The following BORCS5 variants were observed in gnomAD, a reference collection of about 807,000 sequenced individuals.
The protein encoded by BORCS5 is BLOC-1-related complex subunit 5.
Under a neutral mutation model 22.1 loss-of-function variants are expected in BORCS5, and 17 were observed. The ratio of observed to expected loss-of-function variants is 0.77; its 90% CI spans 0.53 to 1.15. The LOEUF (loss-of-function observed/expected upper bound fraction) is 1.15, where lower values mean the gene tolerates loss of function less well. BORCS5 is among the 50% of genes most tolerant of loss of function. The pLI, the probability that BORCS5 is intolerant of heterozygous loss-of-function variation, is 0.00. For missense variants in BORCS5, 247 were observed against 253.2 expected (o/e 0.98, Z 0.17); for synonymous variants, 117 against 99.8 (o/e 1.17, Z -1.03).
chr12:12,414,802 T>A (rs1157824787), intron 2 of BORCS5, among the ~76,000 whole-genome samples: 1 of 129,400 alleles, frequency 7.7e-6, no homozygotes, highest in African/African-American at 3.1e-5. Flanking sequence ...ACGGGGCGGT[T>A]GCCAGGCAGA....
chr12:12,439,017 C>A (rs193029647), intron 3 of BORCS5, among the ~76,000 whole-genome samples: 2 of 152,260 alleles, frequency 1.3e-5, no homozygotes, highest in East Asian at 3.9e-4. Flanking sequence ...ACAATACTAG[C>A]AATTAAATGG....
At position 12,465,858 on chromosome 12, in the gene BORCS5, C is replaced by A; in HGVS notation, c.*82C>A. On this transcript the variant is annotated 3_prime_UTR_variant, in exon 4 of 4. Coordinates refer to ENST00000314565, the MANE Select transcript of BORCS5 (RefSeq NM_058169.6). ...GTGGAGCTAAGGTCATATCATCTGACCAGGTCTGGAGGCTGGCGGGAGGCT... is the reference window on the plus strand; with the variant it reads ...GTGGAGCTAAGGTCATATCATCTGAACAGGTCTGGAGGCTGGCGGGAGGCT... 2 of 1,256,698 alleles carry A rather than the reference C, an allele frequency of 1.6e-6. No homozygotes were observed. The highest frequency in any genetic ancestry group is 2.2e-6 in the Non-Finnish European group (2 of 907,382). 77.8% of individuals were successfully genotyped at this position (1,256,698 alleles called of 1,614,324 possible).
At chr12:12,390,486 C>T (rs768228719) in intron 2 of BORCS5, among the ~76,000 whole-genome samples, 1 of 152,098 alleles carries the variant, frequency 6.6e-6, no homozygotes, top group Non-Finnish European at 1.5e-5. Flanking sequence ...ACTAGAAATA[C>T]AGAAAGTTAT....
chr12:12,415,487 C>T (rs368787943), intron 2 of BORCS5, among the ~76,000 whole-genome samples: 4 of 139,700 alleles, frequency 2.9e-5, no homozygotes, highest in East Asian at 2.2e-4. Context: ...TGCAGTGAGC[C>T]GAGATGGCAG....
chr12:12,439,363 C>A (rs1277307953), intron 3 of BORCS5, among the ~76,000 whole-genome samples: 3 of 152,156 alleles, frequency 2.0e-5, no homozygotes, highest in African/African-American at 7.2e-5. Context: ...CGACATGGCT[C>A]ATGCCTGTAA....
chr12:12,432,009 A>G (rs1350713408), intron 2 of BORCS5, among the ~76,000 whole-genome samples: 1 of 152,116 alleles, frequency 6.6e-6, no homozygotes, highest in African/African-American at 2.4e-5. Flanking sequence ...TGCAATTTCT[A>G]GGCACTCTTT....
At chr12:12,391,375 A>G (rs1941178801) in intron 2 of BORCS5, among the ~76,000 whole-genome samples, 1 of 137,100 alleles carries the variant, frequency 7.3e-6, no homozygotes, top group Non-Finnish European at 1.5e-5. Flanking sequence ...TGGATGACAG[A>G]ATCAAGGGTC....
At chr12:12,464,497 G>T (rs780351883) in intron 3 of BORCS5, among the ~76,000 whole-genome samples, 2 of 152,160 alleles carry the variant, frequency 1.3e-5, no homozygotes, top group Non-Finnish European at 2.9e-5. Flanking sequence ...GGGAAGGGGC[G>T]TGCTCCAGGA....
At chr12:12,386,651 A>G (rs1000307147) in intron 2 of BORCS5, among the ~76,000 whole-genome samples, 3 of 123,802 alleles carry the variant, frequency 2.4e-5, no homozygotes, top group Non-Finnish European at 5.2e-5. Flanking sequence ...TGTATTTTTC[A>G]TAGAGACAGG....
chr12:12,460,845 A>G (rs1293043004), intron 3 of BORCS5, among the ~76,000 whole-genome samples: 1 of 152,210 alleles, frequency 6.6e-6, no homozygotes, highest in Admixed American at 6.5e-5. Context: ...CTTGGTCATA[A>G]TGTATTATCC....
chr12:12,357,636 G>GA (rs879543539), intron 1 of BORCS5, 127 bp downstream of exon 1: 17,990 of 765,436 alleles, frequency 0.024, 15 homozygotes, highest in African/African-American at 0.029. Flanking sequence ...GTGCTAGTAG[G>GA]AAAAAAAAAA....
At chr12:12,461,771 G>A (rs1943109023) in intron 3 of BORCS5, among the ~76,000 whole-genome samples, 1 of 152,126 alleles carries the variant, frequency 6.6e-6, no homozygotes. Context: ...TTTCCAGGAA[G>A]GTGCCTGGAA....
rs541120696 is a variant in BORCS5 at position 12,470,574 on chromosome 12, C to G, written c.*4798C>G. Among the ~76,000 whole-genome samples the G allele has an allele frequency of 6.6e-6, 1 of 152,186 alleles. No individual in the cohort carries two copies. The highest frequency in any genetic ancestry group is 2.4e-5 in the African/African-American group (1 of 41,516). ...GAACGGTTTCATCCAGAAACCATCC[C>G]CCTGCTTCCCTGTCTGTAGAAAAAT... On this transcript the variant is annotated 3_prime_UTR_variant, in exon 4 of 4. Transcript: ENST00000314565.
At chr12:12,460,509 A>G (rs1943082967) in intron 3 of BORCS5, among the ~76,000 whole-genome samples, 1 of 152,250 alleles carries the variant, frequency 6.6e-6, no homozygotes, top group African/African-American at 2.4e-5. Flanking sequence ...TGGCTACTGC[A>G]TATAGTACAA....
At chr12:12,420,060 T>C (rs1407667921) in intron 2 of BORCS5, among the ~76,000 whole-genome samples, 6 of 151,942 alleles carry the variant, frequency 3.9e-5, no homozygotes, top group Admixed American at 3.3e-4. Context: ...TTAGATCCCA[T>C]TTGTCAATTT....
intron 2 of BORCS5, among the ~76,000 whole-genome samples, chr12:12,375,215 G>T (rs879708900): frequency 6.6e-6 from 1 of 152,082 alleles, no homozygotes; most frequent in Non-Finnish European, 1.5e-5. Flanking sequence ...GTTTTACCAT[G>T]TTGGCCAAGC....
intron 2 of BORCS5, among the ~76,000 whole-genome samples, chr12:12,374,309 A>T (rs2136034149): frequency 6.6e-6 from 1 of 151,656 alleles, no homozygotes; most frequent in East Asian, 1.9e-4. Context: ...TCTTAGTTTA[A>T]AAGTCTTCTA....
chr12:12,440,143 A>G (rs1196915880), intron 3 of BORCS5, among the ~76,000 whole-genome samples: 2 of 152,264 alleles, frequency 1.3e-5, no homozygotes, highest in East Asian at 1.9e-4. Context: ...AAAGGGAAAC[A>G]TGGCTATAAC....
chr12:12,404,084 C>G (rs776109508), intron 2 of BORCS5, among the ~76,000 whole-genome samples: 4 of 152,028 alleles, frequency 2.6e-5, no homozygotes, highest in African/African-American at 9.7e-5. Flanking sequence ...ATATGGGTGA[C>G]GTAAATTTAC....
Sources: allele counts gnomAD v4.1 joint callset (sites outside exome capture counted in the v4.1 genomes callset), GRCh38; gene constraint gnomAD v4.1.1; transcripts MANE v1.5; gene names NCBI Gene and HGNC (gene_info 2026-07-23, HGNC 2026-07-21).